TIAM1: variants seen among roughly 807,000 people sequenced by gnomAD.
TIAM1 encodes TIAM Rac1 associated GEF 1.
In TIAM1, 65 loss-of-function variants were observed where a neutral mutation model predicts 163.5. The observed-to-expected ratio is 0.40, with a 90% confidence interval of 0.33 to 0.49. TIAM1 has a LOEUF of 0.49. Among genes scored for constraint, TIAM1 ranks in the 20% least tolerant of loss-of-function variants. TIAM1 has a pLI of 0.77. For missense variants in TIAM1, 1,789 were observed against 2,044.7 expected (o/e 0.87, Z 2.41); for synonymous variants, 833 against 810.1 (o/e 1.03, Z -0.48).
intron 2 of TIAM1, among the ~76,000 whole-genome samples, chr21:31,336,925 G>A (rs1029727200): frequency 6.6e-6 from 1 of 152,128 alleles, no homozygotes; most frequent in Non-Finnish European, 1.5e-5. Flanking sequence ...GTGGCCACTC[G>A]TTCAGCTAAC....
At chr21:31,539,456 G>A (rs2048250396) in intron 1 of TIAM1, among the ~76,000 whole-genome samples, 1 of 151,414 alleles carries the variant, frequency 6.6e-6, no homozygotes, top group South Asian at 2.1e-4. Flanking sequence ...TAGTAGAGAC[G>A]GGGTTTCACC....
At chr21:31,233,809 GAA>G (rs2088577319) in intron 6 of TIAM1, among the ~76,000 whole-genome samples, 1 of 152,208 alleles carries the variant, frequency 6.6e-6, no homozygotes, top group Admixed American at 6.5e-5. Flanking sequence ...CTTTGGAGAA[GAA>G]AGGAAGCTCT....
At chr21:31,417,415 A>ACGC (rs1569312829) in intron 2 of TIAM1, among the ~76,000 whole-genome samples, 1 of 152,184 alleles carries the variant, frequency 6.6e-6, no homozygotes, top group Non-Finnish European at 1.5e-5. Context: ...GGCAAAAGGC[A>ACGC]CGCCTTACAT....
intron 2 of TIAM1, among the ~76,000 whole-genome samples, chr21:31,279,188 C>T (rs189924793): frequency 5.9e-5 from 9 of 151,878 alleles, no homozygotes; most frequent in East Asian, 5.8e-4. Flanking sequence ...TTGAAAAACA[C>T]GAAGGAAAGC....
rs2077046178 is a variant in TIAM1 at position 31,395,311 on chromosome 21, AG to A, written c.-368-55890del. 6.6e-6 allele frequency among the ~76,000 whole-genome samples: 1 copy of A among 151,902 alleles called. No homozygotes were observed. Among genetic ancestry groups the A allele is most frequent in the Non-Finnish European group, 1.5e-5 (1 of 67,888 alleles). On this transcript the variant is annotated intron_variant, in intron 2 of 28. Coordinates refer to the TIAM1 transcript ENST00000286827. This position sits in a 1 kb window ranked among gnomAD's most constrained non-coding sequence, Gnocchi z 7.5. Reference sequence around the variant, plus strand: ...CTCTCTGGAGATGTCACTACGTCTCAGGGGGCTACTTCTAGAGAAGTGACAA... The same window carrying A: ...CTCTCTGGAGATGTCACTACGTCTCAGGGGCTACTTCTAGAGAAGTGACAA...
intron 10 of TIAM1, among the ~76,000 whole-genome samples, chr21:31,210,679 GAAAGAAAAAGAAAGAA>G (rs2086775561): frequency 1.4e-5 from 1 of 70,418 alleles, no homozygotes; most frequent in Non-Finnish European, 2.6e-5. Flanking sequence ...AAGAAAGAAA[GAAAGAAAAAGAAAGAA>G]AGAAAGAAAG....
At chr21:31,558,802 C>A (rs1285094058) in intron 1 of TIAM1, 1 of 152,122 alleles carries the variant, frequency 6.6e-6, no homozygotes, top group African/African-American at 2.4e-5. Context: ...CCGGGAGCCC[C>A]AGTGTGCGGG....
intron 15 of TIAM1, 57 bp from the exon 16 acceptor site, chr21:31,165,122 C>T: frequency 1.3e-6 from 2 of 1,542,188 alleles, no homozygotes; most frequent in South Asian, 1.1e-5. Flanking sequence ...TTGCTAAAAG[C>T]CACCCCTGTG....
chr21:31,267,973 C>A lies in TIAM1; in HGVS notation c.-11-990G>T, dbSNP rs188595413. ...GACCCGATGACACAATTCTGTTACC[C>A]ACAGTGGGAAAGAGAAAAATCTTCA... On this transcript the variant is annotated intron_variant, in intron 3 of 27. Transcript: ENST00000541036. Among the ~76,000 whole-genome samples, 308 of 152,300 alleles carry A rather than the reference C, an allele frequency of 2.0e-3. 1 individual carries two copies. The highest frequency in any genetic ancestry group is 4.4e-3 in the Admixed American group (67 of 15,288).
At chr21:31,214,938 T>C (rs78428938) in intron 9 of TIAM1, among the ~76,000 whole-genome samples, 6,675 of 152,100 alleles carry the variant, frequency 0.044, 199 homozygotes, top group Non-Finnish European at 0.067. Flanking sequence ...AAAAACATAA[T>C]TTTTGTCCAT....
At chr21:31,421,003 T>C (rs2043548932) in intron 2 of TIAM1, among the ~76,000 whole-genome samples, 1 of 151,650 alleles carries the variant, frequency 6.6e-6, no homozygotes, top group Non-Finnish European at 1.5e-5. Flanking sequence ...GTGCCTGTAA[T>C]CCCAGCTACT....
rs74771235 is a variant in TIAM1, at chr21:31,213,385, C to T, written c.2217+13G>A. The T allele has an allele frequency of 7.5e-3, 12,047 of 1,606,332 alleles. 246 individuals carry two copies. Among genetic ancestry groups the T allele is most frequent in the African/African-American group, 0.069 (5,119 of 74,374 alleles). On this transcript the variant is annotated intron_variant, in intron 10 of 27. Coordinates refer to ENST00000541036, the MANE Select transcript of TIAM1 (RefSeq NM_001353694.2). ...TGGTACTTTTAGAAAAGAAAACACA[C>T]GTTTATTTTTACCTTGCCATCTGGA... is the stretch of plus-strand genomic sequence containing the variant.
intron 16 of TIAM1, among the ~76,000 whole-genome samples, chr21:31,158,864 T>C (rs528732724): frequency 3.3e-5 from 5 of 152,242 alleles, no homozygotes; most frequent in South Asian, 4.1e-4. Context: ...ATGTGGAATA[T>C]AGGAGGAGTT....
intron 2 of TIAM1, among the ~76,000 whole-genome samples, chr21:31,463,819 A>C (rs1014579385): frequency 6.6e-6 from 1 of 151,878 alleles, no homozygotes; most frequent in African/African-American, 2.4e-5. Context: ...CTCCAAAAAA[A>C]AAAAAAAGAA....
intron 1 of TIAM1, among the ~76,000 whole-genome samples, chr21:31,528,460 G>A (rs1377101310): frequency 6.6e-6 from 1 of 151,928 alleles, no homozygotes; most frequent in Non-Finnish European, 1.5e-5. Context: ...GGAGGCTGCA[G>A]TGAGCTAGGA....
intron 6 of TIAM1, among the ~76,000 whole-genome samples, chr21:31,228,251 A>G (rs2088171208): frequency 1.2e-4 from 14 of 115,976 alleles, no homozygotes; most frequent in African/African-American, 3.2e-4. Flanking sequence ...AAAAAAAAAA[A>G]AAAAAAAAGG....
chr21:31,321,716 C>G (rs1238648206), intron 2 of TIAM1, among the ~76,000 whole-genome samples: 4 of 151,596 alleles, frequency 2.6e-5, no homozygotes, highest in Non-Finnish European at 4.4e-5. Context: ...CTCCTTATAA[C>G]ATAAGAAGCC....
intron 1 of TIAM1, among the ~76,000 whole-genome samples, chr21:31,475,488 A>G (rs1047870850): frequency 1.3e-5 from 2 of 152,128 alleles, no homozygotes; most frequent in African/African-American, 4.8e-5. Context: ...GTATTAAATA[A>G]ATGTTATTTT....
At chr21:31,272,875 C>A (rs938407867) in intron 3 of TIAM1, among the ~76,000 whole-genome samples, 1 of 151,848 alleles carries the variant, frequency 6.6e-6, no homozygotes, top group African/African-American at 2.4e-5. Flanking sequence ...AAGTACAAAG[C>A]AAACAGAACA....
Sources: gnomAD v4.1 joint callset for allele counts (sites outside exome capture counted in the v4.1 genomes callset) on GRCh38, gnomAD v4.1.1 for gene constraint, Gnocchi (gnomAD v3.1) non-coding constraint, MANE v1.5 for transcripts, NCBI Gene and HGNC (gene_info 2026-07-23, HGNC 2026-07-21) for gene names.